ADGRB3: variants seen among roughly 807,000 people sequenced by gnomAD.
ADGRB3 encodes brain-specific angiogenesis inhibitor 3.
ADGRB3 carries 37 observed loss-of-function variants against 193.4 expected under a neutral mutation model. That is an observed-to-expected ratio of 0.19 (90% confidence interval 0.15 to 0.25). ADGRB3 has a LOEUF of 0.25. ADGRB3 is among the 10% of genes least tolerant of loss of function. The probability of loss-of-function intolerance (pLI) is 1.00; values close to 1 mark genes in which losing one functional copy is unlikely to be tolerated. For synonymous variants in ADGRB3, 690 were observed against 644.2 expected, an observed-to-expected ratio of 1.07 and a Z score of -1.08; for missense variants, 1,637 against 1,852.9, an observed-to-expected ratio of 0.88 and a Z score of 2.14.
intron 20 of ADGRB3, among the ~76,000 whole-genome samples, chr6:69,262,979 C>T (rs561752758): frequency 1.4e-4 from 21 of 151,820 alleles, no homozygotes; most frequent in Admixed American, 7.2e-4. Context: ...GTTGCATTTC[C>T]GCAAAAAGGA....
At position 68,642,302 on chromosome 6, in the gene ADGRB3, G is replaced by A. The variant is rs147939924; in HGVS notation, c.757+2870G>A. On this transcript the variant is annotated intron_variant, in intron 3 of 31. Coordinates refer to ENST00000370598, the MANE Select transcript of ADGRB3 (RefSeq NM_001704.3). ...GTGTAATACTGATGGTGATGGCAAA[G>A]ATATATCAAATGTTGAATATTGTGA... is the stretch of plus-strand genomic sequence containing the variant. Among the ~76,000 whole-genome samples, 1,325 of 152,208 alleles carry A rather than the reference G, an allele frequency of 8.7e-3. 10 individuals carry two copies. Among genetic ancestry groups the A allele is most frequent in the Middle Eastern group, 0.044 (13 of 294 alleles).
At chr6:68,679,036 T>C (rs1219883416) in intron 3 of ADGRB3, among the ~76,000 whole-genome samples, 1 of 152,228 alleles carries the variant, frequency 6.6e-6, no homozygotes, top group Non-Finnish European at 1.5e-5. Context: ...TGAGTTATTC[T>C]GATTTTTACA....
chr6:68,914,436 C>A (rs1766818542), intron 3 of ADGRB3, among the ~76,000 whole-genome samples: 1 of 151,978 alleles, frequency 6.6e-6, no homozygotes, highest in Non-Finnish European at 1.5e-5. Context: ...TCATATCCAG[C>A]CAAACTAAGC....
At chr6:68,958,502 A>G (rs554923917) in intron 8 of ADGRB3, among the ~76,000 whole-genome samples, 3 of 152,268 alleles carry the variant, frequency 2.0e-5, no homozygotes, top group African/African-American at 7.2e-5. Flanking sequence ...ATTGTCTTTC[A>G]TCTGCACATA....
At chr6:68,751,724 A>G (rs1766202330) in intron 3 of ADGRB3, among the ~76,000 whole-genome samples, 1 of 152,160 alleles carries the variant, frequency 6.6e-6, no homozygotes, top group Admixed American at 6.6e-5. Flanking sequence ...AGCCATCATA[A>G]TTGTCAAAAT....
At chr6:68,695,777 G>A (rs1218052323) in intron 3 of ADGRB3, among the ~76,000 whole-genome samples, 2 of 151,808 alleles carry the variant, frequency 1.3e-5, no homozygotes, top group Non-Finnish European at 2.9e-5. Flanking sequence ...TCAAAATGCT[G>A]GCTCTGTCAT....
At chr6:69,216,972 A>G (rs947919632) in intron 17 of ADGRB3, among the ~76,000 whole-genome samples, 6 of 152,212 alleles carry the variant, frequency 3.9e-5, no homozygotes, top group Non-Finnish European at 7.3e-5. Flanking sequence ...TGTCTTGTCC[A>G]GAAACTGGGA....
At position 68,983,146 on chromosome 6, in the gene ADGRB3, A is replaced by G. The variant is rs190426866; in HGVS notation, c.1734+7806A>G. Among the ~76,000 whole-genome samples, 28 of 152,270 alleles carry G rather than the reference A, an allele frequency of 1.8e-4. No individual in the cohort carries two copies. In the East Asian group the frequency reaches 4.0e-3, roughly 22 times the overall value. ...AAAAAGAAAAATAATCTTTAGTCAC[A>G]TATGATTGTGTTCCCTTGGAAATTT... is the stretch of plus-strand genomic sequence containing the variant. On this transcript the variant is annotated intron_variant, in intron 10 of 31. Transcript: ENST00000370598.
intron 17 of ADGRB3, among the ~76,000 whole-genome samples, chr6:69,080,807 C>T (rs1772365363): frequency 6.6e-6 from 1 of 152,088 alleles, no homozygotes; most frequent in East Asian, 1.9e-4. Context: ...CTTTGTAGCA[C>T]AGGTTGGTCT....
chr6:69,185,028 A>G (rs1430620493), intron 17 of ADGRB3, among the ~76,000 whole-genome samples: 1 of 152,188 alleles, frequency 6.6e-6, no homozygotes, highest in Non-Finnish European at 1.5e-5. Flanking sequence ...CAAAGAGTTC[A>G]CATCCTTAAT....
chr6:69,293,177 A>G (rs1767728550), intron 20 of ADGRB3, among the ~76,000 whole-genome samples: 1 of 152,182 alleles, frequency 6.6e-6, no homozygotes, highest in Non-Finnish European at 1.5e-5. Flanking sequence ...ATCAAATACA[A>G]ATTGTTAAAA....
At chr6:69,013,055 C>A (rs1339741092) in intron 11 of ADGRB3, among the ~76,000 whole-genome samples, 2 of 152,074 alleles carry the variant, frequency 1.3e-5, no homozygotes, top group Non-Finnish European at 2.9e-5. Flanking sequence ...CTTCCCTTTA[C>A]ACTTCTCAGG....
chr6:69,241,152 G>A (rs981426333), intron 20 of ADGRB3, among the ~76,000 whole-genome samples: 1 of 151,798 alleles, frequency 6.6e-6, no homozygotes, highest in Non-Finnish European at 1.5e-5. Flanking sequence ...TCTACAAGGT[G>A]TACTTCACAT....
intron 13 of ADGRB3, 128 bp downstream of exon 13, chr6:69,018,627 T>C (rs1017859183): frequency 7.5e-5 from 45 of 600,090 alleles, no homozygotes; most frequent in Middle Eastern, 4.4e-4. Context: ...AATATATTTC[T>C]AATACTTGGT....
At chr6:69,158,144 AT>A (rs778857210) in intron 17 of ADGRB3, among the ~76,000 whole-genome samples, 15 of 152,116 alleles carry the variant, frequency 9.9e-5, no homozygotes, top group Non-Finnish European at 1.8e-4. Context: ...TGATTTTCTT[AT>A]TCATTGTTTA....
At chr6:68,779,230 ATGTGTGTGTGTG>A (rs4038665) in intron 3 of ADGRB3, among the ~76,000 whole-genome samples, 2 of 144,490 alleles carry the variant, frequency 1.4e-5, no homozygotes, top group African/African-American at 2.6e-5. Flanking sequence ...TGTATATATT[ATGTGTGTGTGTG>A]TGTGTGTGTG....
At chr6:69,272,767 G>C (rs1157071565) in intron 20 of ADGRB3, among the ~76,000 whole-genome samples, 1 of 152,160 alleles carries the variant, frequency 6.6e-6, no homozygotes, top group Admixed American at 6.5e-5. Context: ...AGCTGTAAAG[G>C]GATTGGTGCT....
At chr6:69,112,221 C>T (rs915843648) in intron 17 of ADGRB3, among the ~76,000 whole-genome samples, 1 of 152,136 alleles carries the variant, frequency 6.6e-6, no homozygotes, top group Non-Finnish European at 1.5e-5. Flanking sequence ...TTGTCATCTT[C>T]TACTTGGTTT....
intron 3 of ADGRB3, among the ~76,000 whole-genome samples, chr6:68,872,924 C>A (rs579588): frequency 6.6e-6 from 1 of 151,836 alleles, no homozygotes; most frequent in Non-Finnish European, 1.5e-5. Context: ...AGCTCAAACA[C>A]TCTAGGACCA....
Sources: gnomAD v4.1 joint callset for allele counts (sites outside exome capture counted in the v4.1 genomes callset) on GRCh38, gnomAD v4.1.1 for gene constraint, MANE v1.5 for transcripts, NCBI Gene and HGNC (gene_info 2026-07-23, HGNC 2026-07-21) for gene names.